The following INPP5D variants were observed in gnomAD, a reference collection of about 807,000 sequenced individuals.
The protein encoded by INPP5D is phosphatidylinositol 3,4,5-trisphosphate 5-phosphatase 1.
INPP5D carries 33 observed loss-of-function variants against 122.9 expected under a neutral mutation model. The ratio of observed to expected loss-of-function variants is 0.27; its 90% CI spans 0.20 to 0.36. The LOEUF is 0.36. Among genes scored for constraint, INPP5D ranks in the 10% least tolerant of loss-of-function variants. The pLI, the probability that INPP5D is intolerant of heterozygous loss-of-function variation, is 1.00. For missense variants in INPP5D, 1,053 were observed against 1,412.7 expected (o/e 0.75, Z 4.08); for synonymous variants, 584 against 576.2 (o/e 1.01, Z -0.19).
At chr2:233,141,438 G>A (rs1693629510) in intron 6 of INPP5D, 1 of 151,972 alleles carries the variant, frequency 6.6e-6, no homozygotes, top group South Asian at 2.1e-4. Context: ...GTGGTGGCGG[G>A]CGCCTGTAAT....
At chr2:233,190,487 C>T (rs959427297) in intron 22 of INPP5D, among the ~76,000 whole-genome samples, 3 of 152,204 alleles carry the variant, frequency 2.0e-5, no homozygotes, top group African/African-American at 7.2e-5. Flanking sequence ...TGCCCGAAGA[C>T]CCCCTCTCCC....
chr2:233,182,427 A>G lies in INPP5D; in HGVS notation c.2089A>G (p.Met697Val), dbSNP rs77002990. The G allele has an allele frequency of 2.8e-5, 45 of 1,613,608 alleles. No individual in the cohort carries two copies. Among genetic ancestry groups the G allele is most frequent in the Middle Eastern group, 1.6e-4 (1 of 6,082 alleles). Reference sequence around the variant, plus strand: ...CCCTGCAGGCAGTACCAGCGACATCATGACGAGTGACCACAGCCCTGTCTT... The same window carrying G: ...CCCTGCAGGCAGTACCAGCGACATCGTGACGAGTGACCACAGCCCTGTCTT... ...CQSYGSTSDI[M>V]TSDHSPVFAT... Residue 697 changes from methionine to valine, a missense_variant, in exon 19 of 27, where the codon ATG (methionine) becomes GTG (valine). By Grantham distance (21) the Met-to-Val change is conservative. Coordinates refer to ENST00000445964, the MANE Select transcript of INPP5D (RefSeq NM_001017915.3).
chr2:233,157,100 G>A (rs1303791821), intron 9 of INPP5D, among the ~76,000 whole-genome samples: 1 of 152,180 alleles, frequency 6.6e-6, no homozygotes, highest in African/African-American at 2.4e-5. Context: ...TGTGAGGGTC[G>A]AATTCTCAGA....
chr2:233,060,570 G>T lies in INPP5D; in HGVS notation c.92G>T (p.Arg31Leu). ...RTGKDGSFLV[R>L]ASESISRAYA... is the part of the protein sequence containing the mutation. ...GGCAAGGACGGGAGCTTCCTCGTGCGTGCCAGCGAGTCCATCTCCCGGGCA... is the reference window on the plus strand; with the variant it reads ...GGCAAGGACGGGAGCTTCCTCGTGCTTGCCAGCGAGTCCATCTCCCGGGCA... Residue 31 changes from arginine (R) to leucine (L), a missense_variant, in exon 1 of 27, where the codon CGT becomes CTT. Coordinates refer to ENST00000445964, the MANE Select transcript of INPP5D (RefSeq NM_001017915.3). The T allele has an allele frequency of 6.2e-7, 1 of 1,614,008 alleles. No individual in the cohort carries two copies. The highest frequency in any genetic ancestry group is 8.5e-7 in the Non-Finnish European group (1 of 1,179,872).
At chr2:233,178,509 GTC>G (rs1694702974) in intron 18 of INPP5D, among the ~76,000 whole-genome samples, 1 of 145,878 alleles carries the variant, frequency 6.9e-6, no homozygotes, top group Admixed American at 6.7e-5. Context: ...TTGAGACGGA[GTC>G]TCTCTCAGTC....
intron 4 of INPP5D, among the ~76,000 whole-genome samples, chr2:233,129,757 C>A (rs758215279): frequency 2.6e-5 from 4 of 152,224 alleles, no homozygotes; most frequent in Non-Finnish European, 5.9e-5. Context: ...TTGCAAAGTG[C>A]ATGGGAGCTA....
In INPP5D at chr2:233,170,706, A is replaced by T; in HGVS notation, c.1900+102A>T. 1 of 1,466,780 alleles carries T rather than the reference A, an allele frequency of 6.8e-7. No homozygotes were observed. Among genetic ancestry groups the T allele is most frequent in the Non-Finnish European group, 9.2e-7 (1 of 1,082,668 alleles). The allele number at this position is 1,466,780 out of a possible 1,614,324, so 90.9% of individuals were successfully genotyped here. ...ATCACGAGATCAGGAGATGGAGACC[A>T]TCCTGGCTAACACAGTGAAACCCCG... On this transcript the variant is annotated intron_variant, in intron 16 of 26. Transcript: ENST00000445964. The surrounding 1 kb of genome is among the most constrained non-coding windows in gnomAD (Gnocchi z 4.5).
intron 2 of INPP5D, among the ~76,000 whole-genome samples, chr2:233,096,442 A>G (rs2106228274): frequency 6.6e-6 from 1 of 152,290 alleles, no homozygotes; most frequent in South Asian, 2.1e-4. Context: ...ACCAGAGGTC[A>G]GAAGTTCGAG....
At chr2:233,132,399 A>G (rs1181051596) in intron 5 of INPP5D, among the ~76,000 whole-genome samples, 1 of 152,182 alleles carries the variant, frequency 6.6e-6, no homozygotes. Context: ...TGGCGGTGCC[A>G]GCTTCCCCAA....
chr2:233,063,929 G>A (rs1482537515), intron 1 of INPP5D, among the ~76,000 whole-genome samples: 1 of 152,284 alleles, frequency 6.6e-6, no homozygotes, highest in South Asian at 2.1e-4. Flanking sequence ...GAGACATTAA[G>A]AGCTGTCAGG....
At chr2:233,070,781 C>G (rs12617622) in intron 1 of INPP5D, among the ~76,000 whole-genome samples, 2 of 152,022 alleles carry the variant, frequency 1.3e-5, no homozygotes, top group East Asian at 3.9e-4. Flanking sequence ...GCCCTGGTTC[C>G]CCTTTCGAAA....
intron 17 of INPP5D, among the ~76,000 whole-genome samples, chr2:233,176,211 G>A (rs1463377952): frequency 6.6e-6 from 1 of 152,152 alleles, no homozygotes; most frequent in African/African-American, 2.4e-5. Context: ...TGCAGCCTGA[G>A]GCCCTGGAGA....
At chr2:233,154,107 G>A (rs1278688738) in intron 9 of INPP5D, among the ~76,000 whole-genome samples, 1 of 152,178 alleles carries the variant, frequency 6.6e-6, no homozygotes, top group East Asian at 1.9e-4. Context: ...GCTGGGGACA[G>A]GAAACAGGGG....
intron 25 of INPP5D, 122 bp from the exon 26 acceptor site, chr2:233,204,004 G>C (rs1002534941): frequency 2.2e-5 from 31 of 1,379,662 alleles, no homozygotes; most frequent in African/African-American, 3.0e-5. Context: ...AATGTTACAT[G>C]TCTCTATCTA....
At chr2:233,198,852 AG>A (rs1695256132) in intron 25 of INPP5D, among the ~76,000 whole-genome samples, 2 of 152,016 alleles carry the variant, frequency 1.3e-5, no homozygotes, top group African/African-American at 4.8e-5. Context: ...CAGGAGGCTG[AG>A]GCAGGAGAAT....
intron 2 of INPP5D, among the ~76,000 whole-genome samples, chr2:233,093,991 G>A (rs1343465891): frequency 3.9e-5 from 6 of 152,104 alleles, no homozygotes; most frequent in East Asian, 1.9e-4. Context: ...AGATGTTGCC[G>A]TGGTCCCCTG....
chr2:233,144,564 AGAT>A (rs1693704378), intron 6 of INPP5D, among the ~76,000 whole-genome samples: 1 of 125,016 alleles, frequency 8.0e-6, no homozygotes, highest in African/African-American at 3.3e-5. Context: ...GTGAGGGTGG[AGAT>A]GGTGGTAGTG....
At chr2:233,091,943 AT>A (rs1692004917) in intron 2 of INPP5D, among the ~76,000 whole-genome samples, 1 of 152,238 alleles carries the variant, frequency 6.6e-6, no homozygotes, top group Admixed American at 6.5e-5. Flanking sequence ...CTCAGTAAAC[AT>A]TTGCTGCATG....
rs190792857 is a variant in INPP5D, at chr2:233,206,143, C to T, written c.3568-563C>T. 3.3e-5 allele frequency among the ~76,000 whole-genome samples: 5 copies of T among 152,174 alleles called. No homozygotes were observed. The highest frequency in any genetic ancestry group is 1.3e-4 in the Admixed American group (2 of 15,284). On this transcript the variant is annotated intron_variant, in intron 26 of 26. Coordinates refer to ENST00000445964, the MANE Select transcript of INPP5D (RefSeq NM_001017915.3). The surrounding 1 kb of genome is among the most constrained non-coding windows in gnomAD (Gnocchi z 4.0). ...AGCCCTCCCACCTCCTGGCTCTGTGCCTTGAGCCTCAGTTTACCCATCTGT... is the reference window on the plus strand; with the variant it reads ...AGCCCTCCCACCTCCTGGCTCTGTGTCTTGAGCCTCAGTTTACCCATCTGT...
Sources: allele counts gnomAD v4.1 joint callset (sites outside exome capture counted in the v4.1 genomes callset), GRCh38; gene constraint gnomAD v4.1.1; non-coding constraint Gnocchi (gnomAD v3.1); transcripts MANE v1.5; gene names NCBI Gene and HGNC (gene_info 2026-07-23, HGNC 2026-07-21).